Variants in BMPR1B observed in about 807,000 individuals in gnomAD.
The protein encoded by BMPR1B is bone morphogenetic protein receptor type-1B.
A neutral mutation model predicts 59.1 loss-of-function variants in BMPR1B; 12 were observed. The observed-to-expected ratio is 0.20, with a 90% CI of 0.13 to 0.33. The LOEUF (loss-of-function observed/expected upper bound fraction) is 0.33. BMPR1B is among the 10% of genes least tolerant of loss of function. The pLI, the probability that BMPR1B is intolerant of heterozygous loss-of-function variation, is 1.00. For synonymous variants in BMPR1B, 237 were observed against 207.3 expected (o/e 1.14, Z -1.23); for missense variants, 550 against 610.9 (o/e 0.90, Z 1.05).
intron 2 of BMPR1B, among the ~76,000 whole-genome samples, chr4:94,920,152 G>T (rs1458111846): frequency 1.3e-5 from 2 of 152,048 alleles, no homozygotes; most frequent in African/African-American, 2.4e-5. Context: ...GATGTTAATT[G>T]TACTTTTTAT....
At chr4:95,068,394 C>G (rs1002354987) in intron 3 of BMPR1B, among the ~76,000 whole-genome samples, 2 of 152,140 alleles carry the variant, frequency 1.3e-5, no homozygotes, top group Non-Finnish European at 2.9e-5. Context: ...CGTCCAAATC[C>G]TCTTTGACCT....
intron 2 of BMPR1B, among the ~76,000 whole-genome samples, chr4:94,974,758 T>G (rs1048812048): frequency 6.6e-6 from 1 of 152,202 alleles, no homozygotes; most frequent in African/African-American, 2.4e-5. Flanking sequence ...TCCCCAAATC[T>G]CCTAGCACAG....
intron 5 of BMPR1B, 62 bp downstream of exon 5, chr4:95,114,884 A>G: frequency 2.7e-6 from 4 of 1,463,770 alleles, no homozygotes; most frequent in Non-Finnish European, 3.8e-6. Flanking sequence ...AGTTTCAAGC[A>G]AGATAAAACC....
Position 94,811,525 on chromosome 4 carries a change from C to A in BMPR1B, c.-183+53457C>A, listed in dbSNP as rs574799538. On this transcript the variant is annotated intron_variant, in intron 1 of 12. Coordinates refer to ENST00000515059, the MANE Select transcript of BMPR1B (RefSeq NM_001203.3). ...ATTCAGTCTTCTTAAATCACTATTT[C>A]TTTGCATTTGTGAATAAAATGACTT... Among the ~76,000 whole-genome samples the A allele has an allele frequency of 2.0e-5, 3 of 152,212 alleles. No homozygotes were observed. In the South Asian group the frequency reaches 6.2e-4, roughly 32 times the overall value.
At chr4:94,786,384 T>G (rs1313911541) in intron 1 of BMPR1B, among the ~76,000 whole-genome samples, 1 of 151,640 alleles carries the variant, frequency 6.6e-6, no homozygotes, top group Non-Finnish European at 1.5e-5. Context: ...TTTTTTTTTT[T>G]TGAAGAGAGT....
intron 10 of BMPR1B, among the ~76,000 whole-genome samples, chr4:95,145,234 T>C (rs777151534): frequency 1.2e-4 from 18 of 152,224 alleles, no homozygotes; most frequent in Non-Finnish European, 2.6e-4. Flanking sequence ...ATGTCTCCTC[T>C]GTATGATTTT....
At chr4:95,143,538 C>G (rs1037696624) in intron 10 of BMPR1B, among the ~76,000 whole-genome samples, 6 of 152,152 alleles carry the variant, frequency 3.9e-5, no homozygotes, top group Non-Finnish European at 8.8e-5. Flanking sequence ...AGTGTCTTCC[C>G]TGGGGTAGAA....
intron 2 of BMPR1B, among the ~76,000 whole-genome samples, chr4:94,943,829 T>A (rs1729608383): frequency 6.6e-6 from 1 of 152,210 alleles, no homozygotes; most frequent in Non-Finnish European, 1.5e-5. Flanking sequence ...CCAATAATTT[T>A]AATAGTTGTA....
chr4:95,102,621 A>T (rs1248256413), intron 3 of BMPR1B, among the ~76,000 whole-genome samples: 1 of 152,108 alleles, frequency 6.6e-6, no homozygotes, highest in Non-Finnish European at 1.5e-5. Flanking sequence ...ACAGGGTGAG[A>T]TATAGGTACA....
intron 3 of BMPR1B, among the ~76,000 whole-genome samples, chr4:95,033,569 C>T (rs959099870): frequency 1.3e-5 from 2 of 152,060 alleles, no homozygotes; most frequent in Non-Finnish European, 1.5e-5. Context: ...TTTGAATGGT[C>T]TTGGCATACT....
intron 3 of BMPR1B, among the ~76,000 whole-genome samples, chr4:95,101,342 G>C (rs543438250): frequency 6.6e-6 from 1 of 152,246 alleles, no homozygotes. Context: ...GAAAAGTAAA[G>C]AAGGCATCTC....
chr4:94,831,962 G>C (rs1044688490), intron 1 of BMPR1B, among the ~76,000 whole-genome samples: 1 of 152,180 alleles, frequency 6.6e-6, no homozygotes, highest in Non-Finnish European at 1.5e-5. Flanking sequence ...TCACTCCCAG[G>C]TGGGATTGTC....
At chr4:95,081,100 A>G (rs1729103559) in intron 3 of BMPR1B, among the ~76,000 whole-genome samples, 1 of 152,108 alleles carries the variant, frequency 6.6e-6, no homozygotes, top group African/African-American at 2.4e-5. Context: ...TGATGAGTTT[A>G]TAAGGGGCTT....
chr4:94,794,749 G>A (rs1347996242), intron 1 of BMPR1B, among the ~76,000 whole-genome samples: 2 of 151,886 alleles, frequency 1.3e-5, no homozygotes, highest in African/African-American at 2.4e-5. Context: ...CTTGTAAATT[G>A]GATTCCTAGG....
intron 8 of BMPR1B, among the ~76,000 whole-genome samples, chr4:95,129,411 C>G (rs1733143758): frequency 6.6e-6 from 1 of 151,922 alleles, no homozygotes; most frequent in Non-Finnish European, 1.5e-5. Context: ...TTTTTTCTTC[C>G]TCCCTGCATA....
intron 3 of BMPR1B, among the ~76,000 whole-genome samples, chr4:95,061,393 A>G (rs1227749847): frequency 6.6e-6 from 1 of 152,136 alleles, no homozygotes; most frequent in African/African-American, 2.4e-5. Context: ...GCTGTCTCTA[A>G]TGTACTGTGA....
chr4:94,880,774 A>G (rs1234386594), intron 2 of BMPR1B, among the ~76,000 whole-genome samples: 1 of 151,150 alleles, frequency 6.6e-6, no homozygotes, highest in Non-Finnish European at 1.5e-5. Context: ...AGTAGCTGAG[A>G]TTACAGGCGT....
intron 2 of BMPR1B, among the ~76,000 whole-genome samples, chr4:94,882,122 C>T (rs535488508): frequency 6.6e-6 from 1 of 152,238 alleles, no homozygotes; most frequent in East Asian, 1.9e-4. Context: ...TACTGTCCCC[C>T]TCACTGTTTT....
chr4:94,936,558 CGTAGT>C (rs1729307710), intron 2 of BMPR1B, among the ~76,000 whole-genome samples: 2 of 151,948 alleles, frequency 1.3e-5, no homozygotes, highest in Non-Finnish European at 2.9e-5. Flanking sequence ...TTTTTGAACA[CGTAGT>C]GTTTGAAAGA....
Sources: gnomAD v4.1 joint callset for allele counts (sites outside exome capture counted in the v4.1 genomes callset) on GRCh38, gnomAD v4.1.1 for gene constraint, MANE v1.5 for transcripts, NCBI Gene and HGNC (gene_info 2026-07-23, HGNC 2026-07-21) for gene names.